RMND5A: variants seen among roughly 807,000 people sequenced by gnomAD.
RMND5A encodes required for meiotic nuclear division 5 homolog A.
A neutral mutation model predicts 49.7 loss-of-function variants in RMND5A; 17 were observed. The observed-to-expected ratio is 0.34, with a 90% CI of 0.23 to 0.51. The LOEUF is 0.51. RMND5A is among the 20% of genes least tolerant of loss of function. RMND5A has a pLI of 0.96. For synonymous variants in RMND5A, 156 were observed against 167.7 expected (o/e 0.93, Z 0.54); for missense variants, 255 against 471.3 (o/e 0.54, Z 4.25).
chr2:86,753,412 C>T, intron 3 of RMND5A, 46 bp from the exon 4 acceptor site: 1 of 1,145,030 alleles, frequency 8.7e-7, no homozygotes. Flanking sequence ...TAGCTCCTTA[C>T]CCTGATTACT....
intron 2 of RMND5A, among the ~76,000 whole-genome samples, chr2:86,749,156 G>A (rs1681590351): frequency 6.6e-6 from 1 of 152,170 alleles, no homozygotes; most frequent in South Asian, 2.1e-4. Flanking sequence ...GAGACAGAAA[G>A]CAGTACCATC....
chr2:86,720,808 C>T lies in RMND5A; in HGVS notation c.141C>T (p.His47=). 1.9e-6 allele frequency: 3 copies of T among 1,586,386 alleles called. No individual in the cohort carries two copies. The highest frequency in any genetic ancestry group is 1.4e-5 in the African/African-American group (1 of 73,740). The change falls in exon 1 of 9, where the codon CAC becomes CAT. Residue 47 remains histidine, a splice_region_variant and synonymous_variant. Coordinates refer to ENST00000283632, the MANE Select transcript of RMND5A (RefSeq NM_022780.4). ...TCAAGCACGAGATCCTGCAGAGCCA[C>T]GGTAGGGCGGCCCGCGTGGGCGCGC... ...GGLKHEILQS[H]GQDAELSGTL... is the part of the protein sequence containing the mutation.
intron 2 of RMND5A, among the ~76,000 whole-genome samples, chr2:86,743,053 C>T (rs1681476061): frequency 6.6e-6 from 1 of 152,154 alleles, no homozygotes. Context: ...TTTGTCCTGT[C>T]ATGATGATCA....
rs544207682 is a variant in RMND5A at position 86,758,971 on chromosome 2, T to A, written c.521+5413T>A. Among the ~76,000 whole-genome samples, 340 of 152,320 alleles carry A rather than the reference T, an allele frequency of 2.2e-3. 2 individuals carry two copies. Among genetic ancestry groups the A allele is most frequent in the African/African-American group, 7.7e-3 (320 of 41,570 alleles). The stretch of plus-strand genomic sequence containing the variant: ...TCAATGTCATTCATTCCCCTGAACT[T>A]CAGCTTTTACCCCCAAGAGTATAGC... On this transcript the variant is annotated intron_variant, in intron 4 of 8. Transcript: ENST00000283632.
intron 4 of RMND5A, among the ~76,000 whole-genome samples, chr2:86,755,583 A>G (rs1182050904): frequency 6.6e-6 from 1 of 152,224 alleles, no homozygotes; most frequent in Non-Finnish European, 1.5e-5. Context: ...TGTACGTACT[A>G]TGACTATATC....
At position 86,777,852 on chromosome 2, in the gene RMND5A, C is replaced by G. The variant is rs1248878785; in HGVS notation, c.*4441C>G. ...TTTGATTTTGGAAAAAGTAGCATAT[C>G]CAGTAGTTTCAGGGAATTCATTTTA... is the stretch of plus-strand genomic sequence containing the variant. On this transcript the variant is annotated 3_prime_UTR_variant, in exon 9 of 9. Coordinates refer to ENST00000283632, the MANE Select transcript of RMND5A (RefSeq NM_022780.4). 1 of 152,056 alleles carries G rather than the reference C, an allele frequency of 6.6e-6. No individual in the cohort carries two copies. The highest frequency in any genetic ancestry group is 1.9e-4 in the East Asian group (1 of 5,200). The allele number at this position is 152,056 out of a possible 1,614,324, so 9.4% of individuals were successfully genotyped here.
At chr2:86,734,778 C>T in intron 1 of RMND5A, among the ~76,000 whole-genome samples, 1 of 149,458 alleles carries the variant, frequency 6.7e-6, no homozygotes, top group Non-Finnish European at 1.5e-5. Context: ...TTGTATTTTT[C>T]CTACCTTGTT....
chr2:86,771,474 T>C, intron 7 of RMND5A, 84 bp from the exon 8 acceptor site: 1 of 1,206,014 alleles, frequency 8.3e-7, no homozygotes, highest in South Asian at 1.6e-5. Context: ...ATCAATGTTC[T>C]TTGCTGCACA....
chr2:86,758,689 G>A (rs1299602801), intron 4 of RMND5A, among the ~76,000 whole-genome samples: 4 of 152,280 alleles, frequency 2.6e-5, no homozygotes, highest in Middle Eastern at 3.4e-3. Flanking sequence ...AAAGGACAGA[G>A]ACTCACACCA....
intron 1 of RMND5A, among the ~76,000 whole-genome samples, chr2:86,732,540 G>A (rs1681349648): frequency 6.8e-6 from 1 of 146,458 alleles, no homozygotes; most frequent in Non-Finnish European, 1.5e-5. Context: ...TGTACAAAAT[G>A]CTAAAAGTGT....
intron 5 of RMND5A, 131 bp from the exon 6 acceptor site, chr2:86,765,728 T>C: frequency 1.4e-6 from 1 of 722,106 alleles, no homozygotes; most frequent in Admixed American, 3.1e-5. Flanking sequence ...AAACCAAGCT[T>C]AAGGACCAGA....
At chr2:86,758,626 T>C (rs947660691) in intron 4 of RMND5A, among the ~76,000 whole-genome samples, 2 of 152,192 alleles carry the variant, frequency 1.3e-5, no homozygotes, top group African/African-American at 4.8e-5. Flanking sequence ...GTGTCTTAAA[T>C]AGAGTCAGAT....
intron 4 of RMND5A, among the ~76,000 whole-genome samples, chr2:86,756,554 A>G (rs1430447388): frequency 6.6e-6 from 1 of 152,246 alleles, no homozygotes; most frequent in African/African-American, 2.4e-5. Flanking sequence ...CATAAGATTT[A>G]ATAGAAATCG....
rs1481750008 is a variant in RMND5A, at chr2:86,775,623, C to CT, written c.*2215dup. 6.6e-6 allele frequency: 1 copy of CT among 152,098 alleles called. No individual in the cohort carries two copies. Among genetic ancestry groups the CT allele is most frequent in the East Asian group, 1.9e-4 (1 of 5,198 alleles). 9.4% of individuals were successfully genotyped at this position (152,098 alleles called of 1,614,324 possible). On this transcript the variant is annotated 3_prime_UTR_variant, in exon 9 of 9. Transcript: ENST00000283632. Reference sequence around the variant, plus strand: ...TCAAGAAAACTTTGAAAAGAACATGCTTTAACTGAAGCATTGGACTCTGCA... The same window carrying CT: ...TCAAGAAAACTTTGAAAAGAACATGCTTTTAACTGAAGCATTGGACTCTGCA...
At chr2:86,750,376 A>T (rs1267030752) in intron 2 of RMND5A, among the ~76,000 whole-genome samples, 1 of 152,210 alleles carries the variant, frequency 6.6e-6, no homozygotes. Flanking sequence ...TTCACTGGAT[A>T]TAGAATTCTA....
At chr2:86,760,219 T>G (rs572713106) in intron 4 of RMND5A, among the ~76,000 whole-genome samples, 6 of 152,252 alleles carry the variant, frequency 3.9e-5, no homozygotes, top group Non-Finnish European at 8.8e-5. Context: ...TAATTTTGTA[T>G]TTTCAGTAGA....
Position 86,774,419 on chromosome 2 carries a change from A to C in RMND5A, c.*1008A>C, listed in dbSNP as rs917778095. Reference sequence around the variant, plus strand: ...GAAGCTAGCAAATTTTCTGTAGTGCAGAACGTTTATTGCTGTTTTTGTGTT... The same window carrying C: ...GAAGCTAGCAAATTTTCTGTAGTGCCGAACGTTTATTGCTGTTTTTGTGTT... On this transcript the variant is annotated 3_prime_UTR_variant, in exon 9 of 9. Coordinates refer to ENST00000283632, the MANE Select transcript of RMND5A (RefSeq NM_022780.4). 6.6e-6 allele frequency: 1 copy of C among 152,660 alleles called. No individual in the cohort carries two copies. Among genetic ancestry groups the C allele is most frequent in the Non-Finnish European group, 1.5e-5 (1 of 68,042 alleles). The allele number at this position is 152,660 out of a possible 1,614,324, so 9.5% of individuals were successfully genotyped here. A position where few individuals can be genotyped will look rare whatever the true frequency, so the allele number is the denominator to read the frequency against.
intron 4 of RMND5A, among the ~76,000 whole-genome samples, chr2:86,763,248 G>A (rs1049565263): frequency 3.3e-5 from 5 of 151,634 alleles, no homozygotes; most frequent in African/African-American, 7.3e-5. Flanking sequence ...CATACATCTC[G>A]TATCAGAAAG....
Position 86,773,579 on chromosome 2 carries a change from C to A in RMND5A, c.*168C>A. ...GTACACACACTGAGGGGAGTGCTCC[C>A]GGTGAATATTATCATAGGGCTTTAT... On this transcript the variant is annotated 3_prime_UTR_variant, in exon 9 of 9. Transcript: ENST00000283632. 1 of 467,316 alleles carries A rather than the reference C, an allele frequency of 2.1e-6. No individual in the cohort carries two copies. Among genetic ancestry groups the A allele is most frequent in the Admixed American group, 3.6e-5 (1 of 27,560 alleles). 28.9% of individuals were successfully genotyped at this position (467,316 alleles called of 1,614,324 possible).
Sources: gnomAD v4.1 joint callset for allele counts (sites outside exome capture counted in the v4.1 genomes callset) on GRCh38, gnomAD v4.1.1 for gene constraint, MANE v1.5 for transcripts, NCBI Gene and HGNC (gene_info 2026-07-23, HGNC 2026-07-21) for gene names.